MICAL2: variants seen among roughly 807,000 people sequenced by gnomAD.
MICAL2 encodes [F-actin]-monooxygenase MICAL2.
In MICAL2, 77 loss-of-function variants were observed where a neutral mutation model predicts 127.3. The ratio of observed to expected loss-of-function variants is 0.60; its 90% CI spans 0.50 to 0.73. MICAL2 has a LOEUF of 0.73. Among genes scored for constraint, MICAL2 ranks in the 30% least tolerant of loss-of-function variants. The probability of loss-of-function intolerance (pLI) is 0.00; values close to 1 mark genes in which losing one functional copy is unlikely to be tolerated. For synonymous variants in MICAL2, 570 were observed against 551.1 expected (o/e 1.03, Z -0.48); for missense variants, 1,351 against 1,434.4 (o/e 0.94, Z 0.94).
At chr11:12,223,797 G>A (rs1172049823) in intron 12 of MICAL2, among the ~76,000 whole-genome samples, 2 of 152,190 alleles carry the variant, frequency 1.3e-5, no homozygotes, top group Non-Finnish European at 2.9e-5. Context: ...TTATTTTCCT[G>A]TTGTTTCCTG....
At chr11:12,318,143 G>T (rs960459265) in intron 29 of MICAL2, among the ~76,000 whole-genome samples, 1 of 152,114 alleles carries the variant, frequency 6.6e-6, no homozygotes, top group Non-Finnish European at 1.5e-5. Context: ...CTAATATACC[G>T]GCATTGCGCT....
intron 29 of MICAL2, among the ~76,000 whole-genome samples, chr11:12,301,910 T>C (rs1359015058): frequency 6.6e-6 from 1 of 152,206 alleles, no homozygotes; most frequent in Non-Finnish European, 1.5e-5. Context: ...GATACACATA[T>C]GTCTCAAACG....
At chr11:12,294,143 G>C, downstream of MICAL2, 1 of 1,614,034 alleles carries the variant, frequency 6.2e-7, no homozygotes, top group African/African-American at 1.3e-5. Context: ...GGCAGCAGGA[G>C]AGCCCCTGCC....
intron 3 of MICAL2, among the ~76,000 whole-genome samples, chr11:12,185,065 C>G: frequency 2.6e-5 from 1 of 38,752 alleles, no homozygotes; most frequent in African/African-American, 9.9e-5. Context: ...AGTTAGCTTT[C>G]ATTCAGCAAG....
intron 24 of MICAL2, among the ~76,000 whole-genome samples, chr11:12,270,418 G>A (rs944585595): frequency 1.3e-5 from 2 of 152,200 alleles, no homozygotes; most frequent in South Asian, 4.1e-4. Flanking sequence ...CAGGATCCAA[G>A]GGGAAGCCAG....
chr11:12,228,662 A>G lies in MICAL2; in HGVS notation c.1995+1531A>G, dbSNP rs116196114. ...ATGGGAAGGGGAACAGGCAGTTGGA[A>G]AGTCAGAGAGGGAGTCGGGAAGCCC... On this transcript the variant is annotated intron_variant, in intron 15 of 27. Coordinates refer to ENST00000683283, the MANE Select transcript of MICAL2 (RefSeq NM_001282663.2). 2.1e-3 allele frequency among the ~76,000 whole-genome samples: 318 copies of G among 152,232 alleles called. 2 individuals carry two copies. Among genetic ancestry groups the G allele is most frequent in the African/African-American group, 7.2e-3 (299 of 41,542 alleles).
At chr11:12,339,302 A>G (rs1938819965) in intron 32 of MICAL2, among the ~76,000 whole-genome samples, 1 of 152,124 alleles carries the variant, frequency 6.6e-6, no homozygotes, top group Admixed American at 6.5e-5. Flanking sequence ...CAGCTCCATC[A>G]GGTCCTTTAA....
In MICAL2 at chr11:12,238,273, A is replaced by G. The variant is rs114528101; in HGVS notation, c.2065-1163A>G. Among the ~76,000 whole-genome samples, 768 of 152,282 alleles carry G rather than the reference A, an allele frequency of 5.0e-3. 5 individuals are homozygous for G. Among genetic ancestry groups the G allele is most frequent in the African/African-American group, 0.018 (729 of 41,556 alleles). On this transcript the variant is annotated intron_variant, in intron 16 of 27. Coordinates refer to ENST00000683283, the MANE Select transcript of MICAL2 (RefSeq NM_001282663.2). ...ATACTCCTGAGGCCTGTGGGAGGAG[A>G]TCCCGTAGTAAGGGGGAACAGACGT...
At chr11:12,360,311 T>A (rs953651946), downstream of MICAL2, among the ~76,000 whole-genome samples, 1 of 152,118 alleles carries the variant, frequency 6.6e-6, no homozygotes, top group African/African-American at 2.4e-5. Context: ...GTGTTATAAT[T>A]TGGAGAAGAC....
intron 3 of MICAL2, among the ~76,000 whole-genome samples, chr11:12,181,190 C>A (rs1012411398): frequency 6.6e-6 from 1 of 152,132 alleles, no homozygotes; most frequent in Non-Finnish European, 1.5e-5. Flanking sequence ...GTGGTCCACC[C>A]ACCTTGGCCT....
rs529491631 is a variant in MICAL2, at chr11:12,324,967, A to T, written c.5421+897A>T. ...CAAGTCTTATGATATTGATTGGCAAACTAGGCAATGCCTCTTCCTTGTATT... is the reference window on the plus strand; with the variant it reads ...CAAGTCTTATGATATTGATTGGCAATCTAGGCAATGCCTCTTCCTTGTATT... On this transcript the variant is annotated intron_variant, in intron 31 of 34. Transcript: ENST00000646065. Among the ~76,000 whole-genome samples the T allele has an allele frequency of 5.9e-5, 9 of 152,292 alleles. No individual in the cohort carries two copies. The South Asian group carries it at 1.9e-3, about 32-fold the overall frequency.
At position 12,259,855 on chromosome 11, in the gene MICAL2, T is replaced by C. The variant is rs768178078; in HGVS notation, c.3292T>C (p.Cys1098Arg). 1.5e-5 allele frequency: 24 copies of C among 1,606,950 alleles called. 1 individual carries two copies. The South Asian group carries it at 2.5e-4, about 17-fold the overall frequency. The change falls in exon 26 of 28, where the codon TGC (cysteine) becomes CGC (arginine). Residue 1098 changes from cysteine (C) to arginine (R), a missense_variant. Physicochemically the swap from Cys to Arg is radical, Grantham distance 180 (BLOSUM62 -3). Around this residue, in one of 2 missense-constraint regions of MICAL2, gnomAD observed 752 missense variants for 719.4 expected, o/e 1.05. Coordinates refer to ENST00000683283, the MANE Select transcript of MICAL2 (RefSeq NM_001282663.2). ...GAGAGACACTCCCACCGAAAGTTCT[T>C]GCGCAGTGGCCGCCATTGGCACCCT... ...PRRDTPTESSCAVAAIGTLEG... is the reference protein window; with the variant it reads ...PRRDTPTESSRAVAAIGTLEG...
intron 5 of MICAL2, among the ~76,000 whole-genome samples, chr11:12,209,118 T>G (rs760347362): frequency 3.9e-5 from 6 of 152,194 alleles, no homozygotes; most frequent in Admixed American, 1.3e-4. Flanking sequence ...ACATATCCTT[T>G]TGGGTCTGTT....
At chr11:12,159,286 G>A (rs570453114) in intron 2 of MICAL2, among the ~76,000 whole-genome samples, 127 of 152,312 alleles carry the variant, frequency 8.3e-4, no homozygotes, top group Middle Eastern at 3.4e-3. Flanking sequence ...GTAAATTATT[G>A]TCTGGCTTGA....
chr11:12,291,511 A>G (rs1863900844), downstream of MICAL2, among the ~76,000 whole-genome samples: 2 of 152,156 alleles, frequency 1.3e-5, no homozygotes, highest in African/African-American at 4.8e-5. Context: ...ATCTCTGAGT[A>G]GCCACACTGT....
intron 5 of MICAL2, among the ~76,000 whole-genome samples, chr11:12,208,873 G>T (rs955335125): frequency 6.6e-6 from 1 of 152,174 alleles, no homozygotes; most frequent in Non-Finnish European, 1.5e-5. Context: ...CCTGTCCTCT[G>T]CCCAGATTAT....
chr11:12,276,506 C>T lies in MICAL2; in HGVS notation c.87+340C>T, dbSNP rs146732164. 4.5e-3 allele frequency: 844 copies of T among 186,382 alleles called. 7 individuals are homozygous for T. The highest frequency in any genetic ancestry group is 0.019 in the African/African-American group (808 of 42,976). The allele number at this position is 186,382 out of a possible 1,614,324, so 11.5% of individuals were successfully genotyped here. On this transcript the variant is annotated intron_variant, in intron 1 of 2. Coordinates refer to the MICAL2 transcript ENST00000529028. The stretch of plus-strand genomic sequence containing the variant: ...GTGAGGGGTGCAGAATGGGTGTCAC[C>T]TGTCCCGAGGGCCGCCCACTGCAAG...
At chr11:12,289,998 G>T (rs1251956216), downstream of MICAL2, among the ~76,000 whole-genome samples, 5 of 152,224 alleles carry the variant, frequency 3.3e-5, no homozygotes, top group Admixed American at 3.3e-4. Context: ...TGGTATGTGT[G>T]TGAAGGAGTG....
At chr11:12,325,573 C>T (rs976999619) in intron 31 of MICAL2, among the ~76,000 whole-genome samples, 1 of 152,216 alleles carries the variant, frequency 6.6e-6, no homozygotes, top group Non-Finnish European at 1.5e-5. Context: ...CTGGTGAGGC[C>T]TCTCTTCCGG....
Sources: gnomAD v4.1 joint callset for allele counts (sites outside exome capture counted in the v4.1 genomes callset) on GRCh38, gnomAD v4.1.1 for gene constraint, gnomAD v4.1.1 regional missense constraint, MANE v1.5 for transcripts, NCBI Gene and HGNC (gene_info 2026-07-23, HGNC 2026-07-21) for gene names.